Variants in CLASP1 observed in about 807,000 individuals in gnomAD.
The protein encoded by CLASP1 is CLIP-associating protein 1.
CLASP1 carries 38 observed loss-of-function variants against 192.3 expected under a neutral mutation model. That is an observed-to-expected ratio of 0.20 (90% confidence interval 0.15 to 0.26). The LOEUF (loss-of-function observed/expected upper bound fraction) is 0.26, where lower values mean the gene tolerates loss of function less well. CLASP1 is among the 10% of genes least tolerant of loss of function. CLASP1 has a pLI of 1.00. For synonymous variants in CLASP1, 691 were observed against 712.8 expected, an observed-to-expected ratio of 0.97 and a Z score of 0.49; for missense variants, 1,433 against 1,932.5, an observed-to-expected ratio of 0.74 and a Z score of 4.85.
At chr2:121,371,554 G>A (rs1290706211) in intron 34 of CLASP1, among the ~76,000 whole-genome samples, 4 of 152,050 alleles carry the variant, frequency 2.6e-5, no homozygotes, top group South Asian at 4.2e-4. Context: ...AACCCCTCAC[G>A]CATCCATCTT....
intron 8 of CLASP1, among the ~76,000 whole-genome samples, chr2:121,491,387 A>C (rs901011724): frequency 1.7e-4 from 26 of 152,192 alleles, no homozygotes; most frequent in African/African-American, 6.3e-4. Flanking sequence ...AGAAACTCAA[A>C]AGCATGTGTA....
intron 2 of CLASP1, among the ~76,000 whole-genome samples, chr2:121,564,727 G>A (rs2059366316): frequency 1.3e-5 from 2 of 152,196 alleles, no homozygotes; most frequent in Non-Finnish European, 2.9e-5. Context: ...TCAGAGAAGT[G>A]AGGCATTGGT....
intron 9 of CLASP1, among the ~76,000 whole-genome samples, chr2:121,469,272 C>A (rs1559327882): frequency 6.6e-6 from 1 of 152,150 alleles, no homozygotes. Context: ...TGCCACCTCA[C>A]CATGGCTCAC....
intron 14 of CLASP1, among the ~76,000 whole-genome samples, chr2:121,452,473 A>G (rs1208736883): frequency 2.6e-5 from 4 of 152,122 alleles, no homozygotes; most frequent in African/African-American, 9.7e-5. Context: ...TTACATCACC[A>G]CTTCGGGTTC....
chr2:121,382,554 A>C (rs1343194068), intron 32 of CLASP1, among the ~76,000 whole-genome samples: 1 of 152,158 alleles, frequency 6.6e-6, no homozygotes, highest in Non-Finnish European at 1.5e-5. Flanking sequence ...CCAAACGTGG[A>C]ATGTGTTTAC....
chr2:121,449,175 G>A (rs980339990), intron 16 of CLASP1, 55 bp from the exon 17 acceptor site: 4 of 1,522,444 alleles, frequency 2.6e-6, no homozygotes, highest in Non-Finnish European at 3.6e-6. Flanking sequence ...CAGGTCTTTT[G>A]CTGAACTCTG....
rs138556060 is a variant in CLASP1, at chr2:121,516,315, T to G, written c.547-553A>C. 9.2e-5 allele frequency among the ~76,000 whole-genome samples: 14 copies of G among 152,246 alleles called. No homozygotes were observed. The East Asian group carries it at 2.7e-3, about 29-fold the overall frequency. ...TTCAAGAGCATAAAGAGGTTGTGGTTTAAAGAAGGGAGCAATCACATTAGG... is the reference window on the plus strand; with the variant it reads ...TTCAAGAGCATAAAGAGGTTGTGGTGTAAAGAAGGGAGCAATCACATTAGG... On this transcript the variant is annotated intron_variant, in intron 6 of 39. Coordinates refer to ENST00000263710, the Ensembl canonical transcript of CLASP1.
chr2:121,629,285 G>T lies in CLASP1; in HGVS notation c.-286+20087C>A, dbSNP rs1388556809. 2.6e-5 allele frequency among the ~76,000 whole-genome samples: 4 copies of T among 152,102 alleles called. No individual in the cohort carries two copies. The East Asian group carries it at 7.7e-4, about 29-fold the overall frequency. On this transcript the variant is annotated intron_variant, in intron 1 of 39. Transcript: ENST00000263710. ...GGCACCTGCAGTCCCAGCTACTTGGGAGGCTGAGGTGGGAGAATGGCATGA... is the reference window on the plus strand; with the variant it reads ...GGCACCTGCAGTCCCAGCTACTTGGTAGGCTGAGGTGGGAGAATGGCATGA...
chr2:121,631,794 C>T (rs2069713299), intron 1 of CLASP1, among the ~76,000 whole-genome samples: 1 of 151,976 alleles, frequency 6.6e-6, no homozygotes. Flanking sequence ...CACCTGTAAT[C>T]CCAGCACTTT....
At chr2:121,527,965 G>GAATTTCTCTGTTTTACGTTGGTACA (rs2094618363) in intron 4 of CLASP1, 75 bp from the exon 5 acceptor site, 1 of 1,221,270 alleles carries the variant, frequency 8.2e-7, no homozygotes, top group East Asian at 2.4e-5. Flanking sequence ...GCAATAGAAG[G>GAATTTCTCTGTTTTACGTTGGTACA]CAAGCCTCTT....
intron 2 of CLASP1, among the ~76,000 whole-genome samples, chr2:121,573,100 C>T (rs1328586607): frequency 1.3e-5 from 2 of 152,170 alleles, no homozygotes; most frequent in African/African-American, 4.8e-5. Flanking sequence ...GCTAAGATTA[C>T]AGGTGCCTGC....
chr2:121,511,310 C>A (rs913784741), intron 7 of CLASP1, among the ~76,000 whole-genome samples: 1 of 152,020 alleles, frequency 6.6e-6, no homozygotes, highest in Admixed American at 6.6e-5. Context: ...AGAGAGCAGT[C>A]AGGGGCAGTG....
chr2:121,406,246 T>C (rs1334161167), intron 25 of CLASP1, among the ~76,000 whole-genome samples: 1 of 152,234 alleles, frequency 6.6e-6, no homozygotes, highest in African/African-American at 2.4e-5. Flanking sequence ...GTATGTGTAA[T>C]ACACGCTTAT....
intron 2 of CLASP1, among the ~76,000 whole-genome samples, chr2:121,571,743 G>A (rs2059994049): frequency 6.6e-6 from 1 of 152,174 alleles, no homozygotes; most frequent in South Asian, 2.1e-4. Flanking sequence ...GAATGGGGTG[G>A]CAGGAGGATG....
intron 23 of CLASP1, among the ~76,000 whole-genome samples, chr2:121,417,010 C>T (rs2078711985): frequency 6.6e-6 from 1 of 152,156 alleles, no homozygotes; most frequent in South Asian, 2.1e-4. Context: ...AATTTTAGCT[C>T]GAAGACCTTA....
At chr2:121,461,064 CT>C in intron 11 of CLASP1, 36 bp downstream of exon 11, 1 of 1,226,772 alleles carries the variant, frequency 8.2e-7, no homozygotes, top group Non-Finnish European at 1.2e-6. Flanking sequence ...TTAAATACAT[CT>C]TATGAAAATG....
intron 35 of CLASP1, among the ~76,000 whole-genome samples, chr2:121,367,377 C>T (rs1416385987): frequency 2.0e-5 from 3 of 152,200 alleles, no homozygotes; most frequent in East Asian, 3.9e-4. Context: ...CTCACTGCCC[C>T]GCTACTTGTG....
chr2:121,365,279 T>C (rs751418875), exon 36 of CLASP1: 12 of 1,611,872 alleles, frequency 7.4e-6, no homozygotes, highest in Admixed American at 1.7e-5. Flanking sequence ...GAATGGTCGA[T>C]GGGCACTGGT....
At chr2:121,498,197 GTTTC>G (rs2093609900) in intron 8 of CLASP1, among the ~76,000 whole-genome samples, 1 of 114,590 alleles carries the variant, frequency 8.7e-6, no homozygotes, top group Non-Finnish European at 1.7e-5. Context: ...ATAGGTAATA[GTTTC>G]TTTTTTTTTT....
Sources: allele counts gnomAD v4.1 joint callset (sites outside exome capture counted in the v4.1 genomes callset), GRCh38; gene constraint gnomAD v4.1.1; transcripts MANE v1.5; gene names NCBI Gene and HGNC (gene_info 2026-07-23, HGNC 2026-07-21).